Variants in TMEM117 observed in about 807,000 individuals in gnomAD.
The protein encoded by TMEM117 is transmembrane protein 117.
A neutral mutation model predicts 52.4 loss-of-function variants in TMEM117; 27 were observed. The ratio of observed to expected loss-of-function variants is 0.51; its 90% CI spans 0.38 to 0.71. The LOEUF (loss-of-function observed/expected upper bound fraction) is 0.71. TMEM117 is among the 30% of genes least tolerant of loss of function. The pLI is 0.00. For synonymous variants in TMEM117, 215 were observed against 206.3 expected (o/e 1.04, Z -0.36); for missense variants, 556 against 630.5 (o/e 0.88, Z 1.26).
chr12:43,963,222 C>T (rs1476925680), intron 3 of TMEM117, among the ~76,000 whole-genome samples: 1 of 151,038 alleles, frequency 6.6e-6, no homozygotes, highest in South Asian at 2.1e-4. Flanking sequence ...TTCTAGTATA[C>T]ACTATATATA....
At chr12:43,919,125 A>T (rs1426778949) in intron 2 of TMEM117, among the ~76,000 whole-genome samples, 4 of 152,032 alleles carry the variant, frequency 2.6e-5, no homozygotes, top group Non-Finnish European at 5.9e-5. Flanking sequence ...CTTTTTAAAA[A>T]TTTTATTTTA....
At chr12:44,246,248 C>G (rs1464894859) in intron 5 of TMEM117, among the ~76,000 whole-genome samples, 1 of 152,036 alleles carries the variant, frequency 6.6e-6, no homozygotes, top group African/African-American at 2.4e-5. Context: ...TTAGTTTTCC[C>G]TCCCTAGTAG....
At chr12:44,131,196 A>G (rs191391270) in intron 3 of TMEM117, among the ~76,000 whole-genome samples, 1 of 152,230 alleles carries the variant, frequency 6.6e-6, no homozygotes, top group Admixed American at 6.5e-5. Context: ...CAGTGCTTTC[A>G]TTATTATCCT....
chr12:44,089,985 C>A (rs1472875968), intron 3 of TMEM117, among the ~76,000 whole-genome samples: 1 of 152,150 alleles, frequency 6.6e-6, no homozygotes, highest in Admixed American at 6.5e-5. Context: ...TTGTGATTAG[C>A]AATACTTACC....
At chr12:44,363,519 G>T (rs1000168164) in intron 6 of TMEM117, among the ~76,000 whole-genome samples, 2 of 152,024 alleles carry the variant, frequency 1.3e-5, no homozygotes, top group South Asian at 4.2e-4. Flanking sequence ...ATATATAATT[G>T]TCAGGGCATG....
At chr12:44,085,269 T>G (rs913519387) in intron 3 of TMEM117, among the ~76,000 whole-genome samples, 1 of 152,196 alleles carries the variant, frequency 6.6e-6, no homozygotes, top group Admixed American at 6.5e-5. Context: ...TTTTTTCTAC[T>G]ACAGTGTCTA....
chr12:44,300,338 G>A (rs1337379129), intron 6 of TMEM117, among the ~76,000 whole-genome samples: 1 of 152,168 alleles, frequency 6.6e-6, no homozygotes, highest in Non-Finnish European at 1.5e-5. Context: ...ACTCTTTGGC[G>A]TTTTAGGACT....
intron 2 of TMEM117, among the ~76,000 whole-genome samples, chr12:43,851,575 T>A (rs1360842889): frequency 6.6e-6 from 1 of 152,194 alleles, no homozygotes; most frequent in African/African-American, 2.4e-5. Flanking sequence ...CAATTAGGAC[T>A]TATATTCAAG....
chr12:44,208,121 G>A (rs1451985894), intron 4 of TMEM117, among the ~76,000 whole-genome samples: 2 of 149,542 alleles, frequency 1.3e-5, no homozygotes, highest in African/African-American at 5.0e-5. Flanking sequence ...GGAAAGCAAA[G>A]ATTTCACTTA....
At position 44,388,256 on chromosome 12, in the gene TMEM117, G is replaced by A; in HGVS notation, c.1129G>A (p.Gly377Arg). ...NPRTNKTYVEGDMFLHSRFIG... is the reference protein window; with the variant it reads ...NPRTNKTYVERDMFLHSRFIG... ...TCGGACTAATAAAACATATGTTGAG[G>A]GAGACATGTTCTTACACAGCAGGTT... The change falls in exon 8 of 8, where the codon GGA (glycine) becomes AGA (arginine). Residue 377 changes from glycine to arginine, a missense_variant. Gly to Arg is a moderately radical substitution (Grantham distance 125). Around this residue, in one of 3 missense-constraint regions of TMEM117, gnomAD observed 206 missense variants for 211.1 expected, o/e 0.98. Transcript: ENST00000266534. 1 of 1,613,600 alleles carries A rather than the reference G, an allele frequency of 6.2e-7. No homozygotes were observed. The highest frequency in any genetic ancestry group is 1.1e-5 in the South Asian group (1 of 91,064).
At chr12:44,023,959 A>G (rs1047931839) in intron 3 of TMEM117, among the ~76,000 whole-genome samples, 1 of 150,760 alleles carries the variant, frequency 6.6e-6, no homozygotes, top group Non-Finnish European at 1.5e-5. Flanking sequence ...AACTTAAAGT[A>G]TAAAAAAAAA....
chr12:44,065,883 A>G (rs932164834), intron 3 of TMEM117, among the ~76,000 whole-genome samples: 4 of 152,184 alleles, frequency 2.6e-5, no homozygotes, highest in African/African-American at 9.7e-5. Flanking sequence ...GGAGAATATC[A>G]TTTGCAGATG....
upstream of TMEM117, among the ~76,000 whole-genome samples, chr12:43,835,340 T>C (rs576980262): frequency 1.5e-4 from 23 of 152,276 alleles, no homozygotes; most frequent in African/African-American, 5.3e-4. Context: ...GCAAAAACTT[T>C]AAAAATTGTA....
chr12:44,170,171 A>G (rs984250148), intron 4 of TMEM117, among the ~76,000 whole-genome samples: 17 of 151,890 alleles, frequency 1.1e-4, no homozygotes, highest in Non-Finnish European at 2.4e-4. Context: ...GGAAACCATC[A>G]TTCTCAGCAA....
chr12:44,128,564 G>C (rs1948364449), intron 3 of TMEM117, among the ~76,000 whole-genome samples: 1 of 152,194 alleles, frequency 6.6e-6, no homozygotes. Flanking sequence ...ATAAGCAGCT[G>C]CCTTTAAGTT....
At chr12:43,957,181 A>G (rs1442818605) in intron 3 of TMEM117, among the ~76,000 whole-genome samples, 2 of 152,104 alleles carry the variant, frequency 1.3e-5, no homozygotes, top group African/African-American at 4.8e-5. Flanking sequence ...AGAGCATTAG[A>G]GAAAAGAGCT....
At chr12:43,889,674 C>T (rs530128831) in intron 2 of TMEM117, among the ~76,000 whole-genome samples, 211 of 152,176 alleles carry the variant, frequency 1.4e-3, no homozygotes, top group South Asian at 4.4e-3. Flanking sequence ...TTTCTAATGT[C>T]GCATTTACTT....
chr12:44,371,652 A>C (rs1951865509), intron 6 of TMEM117, among the ~76,000 whole-genome samples: 1 of 152,168 alleles, frequency 6.6e-6, no homozygotes, highest in Non-Finnish European at 1.5e-5. Context: ...CCAGTCAGGG[A>C]ATTCAAAACA....
At chr12:44,132,187 GT>G (rs536269311) in intron 3 of TMEM117, among the ~76,000 whole-genome samples, 7,842 of 133,332 alleles carry the variant, frequency 0.059, 642 homozygotes, top group African/African-American at 0.19. Context: ...GGCTGCTCAG[GT>G]TTTTTTTTTT....
Sources: gnomAD v4.1 joint callset for allele counts (sites outside exome capture counted in the v4.1 genomes callset) on GRCh38, gnomAD v4.1.1 for gene constraint, gnomAD v4.1.1 regional missense constraint, MANE v1.5 for transcripts, NCBI Gene and HGNC (gene_info 2026-07-23, HGNC 2026-07-21) for gene names.